Variants in PPP6R3 observed in about 807,000 individuals in gnomAD.
PPP6R3 encodes the protein serine/threonine-protein phosphatase 6 regulatory subunit 3.
Under a neutral mutation model 110.7 loss-of-function variants are expected in PPP6R3, and 38 were observed. The ratio of observed to expected loss-of-function variants is 0.34; its 90% CI spans 0.26 to 0.45. The LOEUF (loss-of-function observed/expected upper bound fraction) is 0.45, where lower values mean the gene tolerates loss of function less well. Ranked by LOEUF, PPP6R3 falls within the 20% of genes least tolerant of loss-of-function variation. PPP6R3 has a pLI of 1.00. For missense variants in PPP6R3, 870 were observed against 1,062.4 expected, an observed-to-expected ratio of 0.82 and a Z score of 2.52; for synonymous variants, 369 against 373.5, an observed-to-expected ratio of 0.99 and a Z score of 0.14.
At chr11:68,537,144 A>T (rs1156516115) in intron 2 of PPP6R3, among the ~76,000 whole-genome samples, 1 of 152,160 alleles carries the variant, frequency 6.6e-6, no homozygotes, top group East Asian at 1.9e-4. Context: ...ACTCCTCAAG[A>T]ATTAGTTTTC....
chr11:68,528,388 T>C (rs189795960), intron 2 of PPP6R3, among the ~76,000 whole-genome samples: 1 of 142,744 alleles, frequency 7.0e-6, no homozygotes, highest in African/African-American at 2.5e-5. Context: ...TAAAGAAATA[T>C]ATTGACTCTA....
intron 4 of PPP6R3, among the ~76,000 whole-genome samples, chr11:68,547,105 G>A (rs916241778): frequency 1.3e-5 from 2 of 152,150 alleles, no homozygotes; most frequent in Admixed American, 1.3e-4. Context: ...GACTTCATGT[G>A]GCATAATGGA....
intron 1 of PPP6R3, among the ~76,000 whole-genome samples, chr11:68,472,132 G>A (rs1417832272): frequency 6.6e-6 from 1 of 152,168 alleles, no homozygotes; most frequent in Non-Finnish European, 1.5e-5. Flanking sequence ...AGTAGGCATT[G>A]CTTCATTTAA....
chr11:68,558,634 G>A lies in PPP6R3; in HGVS notation c.800G>A (p.Ser267Asn), dbSNP rs1317170921. 3 of 1,613,220 alleles carry A rather than the reference G, an allele frequency of 1.9e-6. No individual in the cohort carries two copies. Among genetic ancestry groups the A allele is most frequent in the African/African-American group, 2.7e-5 (2 of 74,878 alleles). ...GAGAAAAATGAGTCAGCCATAGTCA[G>A]TGCAATCCAGATATTGCTGACTTTA... is the stretch of plus-strand genomic sequence containing the variant. ...HKEKNESAIV[S>N]AIQILLTLLE... Residue 267 changes from serine (S) to asparagine (N), a missense_variant, in exon 8 of 24, where the codon AGT becomes AAT. Ser to Asn is a conservative substitution (Grantham distance 46, BLOSUM62 1). Coordinates refer to ENST00000393800, the MANE Select transcript of PPP6R3 (RefSeq NM_001164161.2).
At chr11:68,483,093 T>A (rs1024029925) in intron 1 of PPP6R3, among the ~76,000 whole-genome samples, 1 of 152,218 alleles carries the variant, frequency 6.6e-6, no homozygotes. Context: ...AGAATTATAT[T>A]GTTTAGTGCA....
intron 1 of PPP6R3, among the ~76,000 whole-genome samples, chr11:68,497,284 G>C (rs1040398920): frequency 2.0e-5 from 3 of 148,546 alleles, no homozygotes; most frequent in Admixed American, 6.8e-5. Context: ...TCGATCTCCT[G>C]ACCTCGTGAT....
chr11:68,538,037 A>T (rs745721978), intron 3 of PPP6R3, 146 bp downstream of exon 3: 129 of 552,380 alleles, frequency 2.3e-4, no homozygotes, highest in Non-Finnish European at 5.4e-5. Flanking sequence ...GGTGGAGCGC[A>T]AAATCCATTC....
chr11:68,540,685 C>G (rs2099310040), intron 3 of PPP6R3, among the ~76,000 whole-genome samples: 1 of 142,490 alleles, frequency 7.0e-6, no homozygotes, highest in African/African-American at 2.5e-5. Flanking sequence ...GAGATGACCA[C>G]ACCCAGGGGG....
At chr11:68,502,839 C>T (rs2099055218) in intron 1 of PPP6R3, among the ~76,000 whole-genome samples, 1 of 152,150 alleles carries the variant, frequency 6.6e-6, no homozygotes, top group African/African-American at 2.4e-5. Flanking sequence ...GTGAGATAAC[C>T]AAAGGGAAAT....
At chr11:68,602,962 C>T (rs1026022646) in intron 21 of PPP6R3, among the ~76,000 whole-genome samples, 3 of 152,082 alleles carry the variant, frequency 2.0e-5, no homozygotes. Context: ...CAAAGCAAAG[C>T]AAATAGAGCC....
chr11:68,612,434 G>A (rs1034942631), intron 23 of PPP6R3, among the ~76,000 whole-genome samples: 2 of 152,098 alleles, frequency 1.3e-5, no homozygotes, highest in African/African-American at 2.4e-5. Context: ...AAGCCTTCCC[G>A]AATAGGTTAT....
intron 1 of PPP6R3, among the ~76,000 whole-genome samples, chr11:68,477,735 AAAAAAAATATATATATATAT>A (rs1565283254): frequency 3.1e-5 from 2 of 64,156 alleles, no homozygotes; most frequent in East Asian, 3.4e-4. Flanking sequence ...TCTTAAAAAA[AAAAAAAATATATATATATAT>A]ATATATATAT....
At chr11:68,602,881 C>T (rs763206454) in intron 21 of PPP6R3, among the ~76,000 whole-genome samples, 1 of 152,176 alleles carries the variant, frequency 6.6e-6, no homozygotes, top group Non-Finnish European at 1.5e-5. Context: ...GGCTCATCAC[C>T]TATGTTGGCT....
At chr11:68,474,856 A>G (rs1449021980) in intron 1 of PPP6R3, among the ~76,000 whole-genome samples, 5 of 152,204 alleles carry the variant, frequency 3.3e-5, no homozygotes, top group East Asian at 1.9e-4. Flanking sequence ...CTGACTTACT[A>G]TCTTTTGCAT....
intron 1 of PPP6R3, among the ~76,000 whole-genome samples, chr11:68,511,807 T>TGTGTGTGTGTG (rs1371095088): frequency 2.1e-5 from 3 of 144,538 alleles, no homozygotes; most frequent in African/African-American, 7.7e-5. Context: ...GTGTGTGTGT[T>TGTGTGTGTGTG]TTTTAAATGT....
intron 7 of PPP6R3, among the ~76,000 whole-genome samples, chr11:68,555,776 G>T (rs534932490): frequency 1.3e-5 from 2 of 152,306 alleles, no homozygotes; most frequent in African/African-American, 4.8e-5. Context: ...AAATTAGTTG[G>T]AGTAAATGTG....
At chr11:68,551,570 A>G (rs538419396) in intron 6 of PPP6R3, among the ~76,000 whole-genome samples, 42 of 151,932 alleles carry the variant, frequency 2.8e-4, no homozygotes, top group African/African-American at 9.2e-4. Flanking sequence ...GCTCACTGCA[A>G]CCTCCACCTC....
chr11:68,549,547 A>C (rs2099362712), intron 5 of PPP6R3, among the ~76,000 whole-genome samples: 1 of 152,068 alleles, frequency 6.6e-6, no homozygotes, highest in South Asian at 2.1e-4. Context: ...AGGGACCTTA[A>C]ATTGGGACAC....
chr11:68,487,493 C>G (rs555758297), intron 1 of PPP6R3, among the ~76,000 whole-genome samples: 1 of 152,028 alleles, frequency 6.6e-6, no homozygotes, highest in South Asian at 2.1e-4. Flanking sequence ...TTGCCTGAAC[C>G]TGGGAGGCAG....
Sources: gnomAD v4.1 joint callset for allele counts (sites outside exome capture counted in the v4.1 genomes callset) on GRCh38, gnomAD v4.1.1 for gene constraint, MANE v1.5 for transcripts, NCBI Gene and HGNC (gene_info 2026-07-23, HGNC 2026-07-21) for gene names.